Variants in COL4A6 observed in about 807,000 individuals in gnomAD.
The protein encoded by COL4A6 is collagen alpha-6(IV) chain.
Under a neutral mutation model 126.7 loss-of-function variants are expected in COL4A6, and 59 were observed. That is an observed-to-expected ratio of 0.47 (90% CI 0.38 to 0.58). The LOEUF (loss-of-function observed/expected upper bound fraction) is 0.58. COL4A6 is among the 20% of genes least tolerant of loss of function. The probability of loss-of-function intolerance (pLI) is 0.00; values close to 1 mark genes in which losing one functional copy is unlikely to be tolerated. For missense variants in COL4A6, 1,285 were observed against 1,337.3 expected, an observed-to-expected ratio of 0.96 and a Z score of 0.61; for synonymous variants, 547 against 496.6, an observed-to-expected ratio of 1.10 and a Z score of -1.35.
At chrX:108,370,409 A>T (rs2040298958) in intron 2 of COL4A6, among the ~76,000 whole-genome samples, 1 of 111,330 alleles carries the variant, frequency 9.0e-6, no homozygotes, top group Admixed American at 9.6e-5. Flanking sequence ...GACCGGATGG[A>T]GAAATAGGAG....
chrX:108,380,889 G>A (rs1455239951), intron 2 of COL4A6, among the ~76,000 whole-genome samples: 1 of 111,650 alleles, frequency 9.0e-6, no homozygotes, highest in Non-Finnish European at 1.9e-5. Flanking sequence ...ACTCCATAGG[G>A]TTGTTGAAAG....
chrX:108,241,550 A>T (rs1288071764), intron 3 of COL4A6, among the ~76,000 whole-genome samples: 4 of 96,773 alleles, frequency 4.1e-5, no homozygotes, highest in East Asian at 3.1e-4. Flanking sequence ...TATAATAGTA[A>T]ATATATATAT....
At chrX:108,332,851 T>C (rs1231825685) in intron 2 of COL4A6, among the ~76,000 whole-genome samples, 1 of 111,578 alleles carries the variant, frequency 9.0e-6, no homozygotes, top group Non-Finnish European at 1.9e-5. Flanking sequence ...TTAAGTCACA[T>C]GTGTCTATTT....
intron 3 of COL4A6, among the ~76,000 whole-genome samples, chrX:108,239,454 C>T (rs1021806315): frequency 8.9e-6 from 1 of 112,077 alleles, no homozygotes; most frequent in African/African-American, 3.2e-5. Flanking sequence ...GATATGATAG[C>T]ATATGCTTAG....
intron 30 of COL4A6, 65 bp from the exon 31 acceptor site, chrX:108,174,686 G>A (rs2034423213): frequency 9.7e-7 from 1 of 1,027,654 alleles, no homozygotes; most frequent in Non-Finnish European, 1.3e-6. Flanking sequence ...TTGCCAAGAT[G>A]CAGGTGCCCC....
chrX:108,171,042 A>G (rs1298956317), intron 33 of COL4A6, 125 bp from the exon 34 acceptor site: 9 of 607,380 alleles, frequency 1.5e-5, no homozygotes, highest in African/African-American at 1.1e-4. Context: ...TAAAAAAGAT[A>G]GTGGTGGCTG....
rs770801168 is a variant in COL4A6, at chrX:108,427,765, AAC to A, written c.63+10175_63+10176del. On this transcript the variant is annotated intron_variant, in intron 2 of 44. Coordinates refer to ENST00000334504, the MANE Select transcript of COL4A6 (RefSeq NM_033641.4). ...GGAGGCAGTGAAAGTCTGAAACTGGAACAGTTAGGTCTGCTGTAGGGAGTCCG... is the reference window on the plus strand; with the variant it reads ...GGAGGCAGTGAAAGTCTGAAACTGGAAGTTAGGTCTGCTGTAGGGAGTCCG... Among the ~76,000 whole-genome samples, 8 of 112,038 alleles carry A rather than the reference AAC, an allele frequency of 7.1e-5. 1 individual carries two copies. Among genetic ancestry groups the A allele is most frequent in the Non-Finnish European group, 1.5e-4 (8 of 53,212 alleles).
At chrX:108,241,577 C>T (rs2036575029) in intron 3 of COL4A6, among the ~76,000 whole-genome samples, 1 of 101,220 alleles carries the variant, frequency 9.9e-6, no homozygotes, top group Non-Finnish European at 2.0e-5. Flanking sequence ...ATATATAGCC[C>T]TGAACAAAAA....
intron 3 of COL4A6, among the ~76,000 whole-genome samples, chrX:108,279,409 T>C (rs780948380): frequency 2.7e-5 from 3 of 111,373 alleles, no homozygotes; most frequent in African/African-American, 6.5e-5. Flanking sequence ...CCATTACATA[T>C]TGGTAAAGGG....
At chrX:108,343,145 ATATATATATATATATATATAGTGT>A (rs1335712480) in intron 2 of COL4A6, among the ~76,000 whole-genome samples, 2 of 73,783 alleles carry the variant, frequency 2.7e-5, no homozygotes, top group African/African-American at 9.8e-5. Context: ...ATATATATAT[ATATATATATATATATATATAGTGT>A]GTGTGTGTGT....
chrX:108,429,336 T>C (rs1360898746), intron 2 of COL4A6, among the ~76,000 whole-genome samples: 2 of 112,115 alleles, frequency 1.8e-5, no homozygotes, highest in African/African-American at 6.5e-5. Context: ...TAAAACTGTA[T>C]ACATTTGTAA....
chrX:108,343,763 C>A (rs1603127032), intron 2 of COL4A6, among the ~76,000 whole-genome samples: 1 of 73,945 alleles, frequency 1.4e-5, no homozygotes, highest in African/African-American at 5.3e-5. Flanking sequence ...TGAAAATGAA[C>A]ATAATTTGCC....
intron 5 of COL4A6, among the ~76,000 whole-genome samples, chrX:108,217,945 A>C (rs1400911449): frequency 1.8e-5 from 2 of 112,055 alleles, no homozygotes; most frequent in Non-Finnish European, 3.8e-5. Context: ...TACTGGGAGC[A>C]GTAAGCTCAT....
chrX:108,422,817 A>C lies in COL4A6; in HGVS notation c.63+15125T>G, dbSNP rs1415151092. Among the ~76,000 whole-genome samples the C allele has an allele frequency of 8.1e-5, 9 of 111,787 alleles. No homozygotes were observed. The South Asian group carries it at 1.5e-3, about 19-fold the overall frequency. ...GCTGAGGGCTCAAAACAGGTGCTGG[A>C]CATCAAAACAGGGAAAGCTACAGGT... On this transcript the variant is annotated intron_variant, in intron 2 of 44. Transcript: ENST00000334504.
At position 108,326,237 on chromosome X, in the gene COL4A6, T is replaced by C. The variant is rs369505897; in HGVS notation, c.64-15409A>G. On this transcript the variant is annotated intron_variant, in intron 2 of 44. Coordinates refer to ENST00000334504, the MANE Select transcript of COL4A6 (RefSeq NM_033641.4). ...TACAAGGTCGATATACAAAAATTAG[T>C]TGCATTTCTGTAAACTAGCAACAAA... Among the ~76,000 whole-genome samples the C allele has an allele frequency of 8.0e-5, 9 of 112,440 alleles. No homozygotes were observed. The East Asian group carries it at 1.9e-3, about 24-fold the overall frequency.
intron 2 of COL4A6, among the ~76,000 whole-genome samples, chrX:108,382,921 C>A (rs370092808): frequency 9.5e-6 from 1 of 105,065 alleles, no homozygotes; most frequent in Non-Finnish European, 1.9e-5. Context: ...GTACTCCAGT[C>A]TGGGCGACAG....
chrX:108,294,687 G>A (rs1182449450), intron 3 of COL4A6, among the ~76,000 whole-genome samples: 4 of 111,316 alleles, frequency 3.6e-5, no homozygotes, highest in Admixed American at 2.9e-4. Context: ...CACCACTTAT[G>A]TGCTATGGGA....
intron 3 of COL4A6, among the ~76,000 whole-genome samples, chrX:108,260,598 C>T (rs774995591): frequency 9.0e-5 from 10 of 111,097 alleles, no homozygotes; most frequent in East Asian, 2.9e-4. Flanking sequence ...TTTTTCCTTC[C>T]GCCATGATTG....
intron 3 of COL4A6, among the ~76,000 whole-genome samples, chrX:108,278,742 G>C (rs1389296299): frequency 1.9e-5 from 2 of 107,815 alleles, no homozygotes; most frequent in Non-Finnish European, 3.9e-5. Flanking sequence ...CAGCCAGAGA[G>C]AAAGGTCGGG....
Sources: allele counts gnomAD v4.1 joint callset (sites outside exome capture counted in the v4.1 genomes callset), GRCh38; gene constraint gnomAD v4.1.1; transcripts MANE v1.5; gene names NCBI Gene and HGNC (gene_info 2026-07-23, HGNC 2026-07-21).